DSTYK: variants seen among roughly 807,000 people sequenced by gnomAD.
DSTYK encodes the protein dual serine/threonine and tyrosine protein kinase, also known as RIP-homologous kinase.
In DSTYK, 34 loss-of-function variants were observed where a neutral mutation model predicts 98.7. That is an observed-to-expected ratio of 0.34 (90% confidence interval 0.26 to 0.46). DSTYK has a LOEUF of 0.46. DSTYK is among the 20% of genes least tolerant of loss of function. The pLI is 1.00. For missense variants in DSTYK, 962 were observed against 1,181.7 expected, an observed-to-expected ratio of 0.81 and a Z score of 2.73; for synonymous variants, 462 against 457.3, an observed-to-expected ratio of 1.01 and a Z score of -0.13.
At chr1:205,156,566 G>C (rs1306908907) in intron 10 of DSTYK, among the ~76,000 whole-genome samples, 2 of 152,174 alleles carry the variant, frequency 1.3e-5, no homozygotes, top group East Asian at 1.9e-4. Context: ...TTTGGAATGG[G>C]TGTATTTACC....
rs765904581 is a variant in DSTYK at position 205,162,919 on chromosome 1, C to A, written c.1641+4G>T. On this transcript the variant is annotated splice_donor_region_variant and intron_variant, in intron 5 of 12. Coordinates refer to ENST00000367162, the MANE Select transcript of DSTYK (RefSeq NM_015375.3). ...GAAATCTTTCTCTAAGTAATAATCC[C>A]TACCTGTTTGATTTGCTCCCATAGC... is the stretch of plus-strand genomic sequence containing the variant. 6 of 1,609,768 alleles carry A rather than the reference C, an allele frequency of 3.7e-6. No homozygotes were observed. Among genetic ancestry groups the A allele is most frequent in the Middle Eastern group, 1.7e-4 (1 of 6,056 alleles).
At chr1:205,161,056 G>A (rs1344366233) in intron 7 of DSTYK, among the ~76,000 whole-genome samples, 1 of 152,146 alleles carries the variant, frequency 6.6e-6, no homozygotes, top group Non-Finnish European at 1.5e-5. Context: ...TTACAGGTGT[G>A]AGCCACCACA....
chr1:205,169,077 T>C lies in DSTYK; in HGVS notation c.1324+86A>G. 1 of 1,198,320 alleles carries C rather than the reference T, an allele frequency of 8.3e-7. No homozygotes were observed. The highest frequency in any genetic ancestry group is 1.2e-6 in the Non-Finnish European group (1 of 843,730). 74.2% of individuals were successfully genotyped at this position (1,198,320 alleles called of 1,614,324 possible). ...AGTTACCCTGAGATTCCTTTAACCTTAGGAATTAACGTTCTTAATTTCCGG... is the reference window on the plus strand; with the variant it reads ...AGTTACCCTGAGATTCCTTTAACCTCAGGAATTAACGTTCTTAATTTCCGG... On this transcript the variant is annotated intron_variant, in intron 3 of 12. Transcript: ENST00000367162. The surrounding 1 kb of genome is among the most constrained non-coding windows in gnomAD (Gnocchi z 4.0).
At chr1:205,165,335 C>T (rs1252753143) in intron 3 of DSTYK, among the ~76,000 whole-genome samples, 1 of 152,130 alleles carries the variant, frequency 6.6e-6, no homozygotes, top group Non-Finnish European at 1.5e-5. Flanking sequence ...AGGTGATCCG[C>T]TCACCTTGGC....
intron 1 of DSTYK, among the ~76,000 whole-genome samples, chr1:205,194,130 A>T (rs1039512955): frequency 1.3e-5 from 2 of 152,214 alleles, no homozygotes; most frequent in African/African-American, 4.8e-5. Flanking sequence ...ATTCTTCATC[A>T]AACCTAAGCA....
At chr1:205,153,241 TTAA>T (rs1376308877) in intron 10 of DSTYK, among the ~76,000 whole-genome samples, 27 of 152,186 alleles carry the variant, frequency 1.8e-4, no homozygotes, top group Non-Finnish European at 3.5e-4. Flanking sequence ...CAGAAACAAC[TTAA>T]TGATATGCCA....
intron 1 of DSTYK, among the ~76,000 whole-genome samples, chr1:205,204,455 TACAC>T (rs56294352): frequency 0.015 from 2,235 of 148,742 alleles, 28 homozygotes; most frequent in Non-Finnish European, 0.027. Context: ...ATGCTCACCA[TACAC>T]ACACACACAC....
Position 205,211,422 on chromosome 1 carries a change from C to T in DSTYK, c.114G>A (p.Leu38=). The change falls in exon 1 of 13, where the codon CTG becomes CTA. Residue 38 remains leucine (L), a synonymous_variant. Coordinates refer to ENST00000367162, the MANE Select transcript of DSTYK (RefSeq NM_015375.3). ...CGCGCAGGTTCTGTCGCAGCCGTCC[C>T]AGGTAGCGGCGGTAGCGGCCGAAGC... ...CRGFGRYRRY[L]GRLRQNLRET... is the part of the protein sequence containing the mutation. The T allele has an allele frequency of 6.2e-7, 1 of 1,609,098 alleles. No individual in the cohort carries two copies. The highest frequency in any genetic ancestry group is 8.5e-7 in the Non-Finnish European group (1 of 1,178,970).
chr1:205,173,625 T>C (rs1441711885), intron 2 of DSTYK, among the ~76,000 whole-genome samples: 3 of 152,186 alleles, frequency 2.0e-5, no homozygotes, highest in African/African-American at 7.2e-5. Context: ...CTTAAAATTC[T>C]AGAATAAATT....
chr1:205,174,058 C>G (rs1432515491), intron 2 of DSTYK, among the ~76,000 whole-genome samples: 3 of 151,866 alleles, frequency 2.0e-5, no homozygotes, highest in African/African-American at 7.3e-5. Context: ...TTTATTTGCT[C>G]ATAGGTGTAA....
chr1:205,151,374 C>A (rs1202532131), intron 10 of DSTYK, among the ~76,000 whole-genome samples: 1 of 152,148 alleles, frequency 6.6e-6, no homozygotes, highest in Non-Finnish European at 1.5e-5. Context: ...ACTTTATAAA[C>A]TTTTTAATTT....
At chr1:205,199,820 C>T (rs797004940) in intron 1 of DSTYK, among the ~76,000 whole-genome samples, 1 of 152,102 alleles carries the variant, frequency 6.6e-6, no homozygotes, top group African/African-American at 2.4e-5. Flanking sequence ...GTTTTACAAC[C>T]ATAACCAAAA....
At chr1:205,167,289 G>A (rs570520390) in intron 3 of DSTYK, among the ~76,000 whole-genome samples, 2 of 152,108 alleles carry the variant, frequency 1.3e-5, no homozygotes, top group African/African-American at 4.8e-5. Context: ...AGTCCCAGGT[G>A]TGCAGGGGGC....
At chr1:205,184,193 G>A (rs1055659010) in intron 2 of DSTYK, among the ~76,000 whole-genome samples, 7 of 151,914 alleles carry the variant, frequency 4.6e-5, no homozygotes, top group South Asian at 2.1e-4. Context: ...CGCGCTTGGG[G>A]GGATGGCTCA....
At chr1:205,211,123 C>T in intron 1 of DSTYK, 148 bp downstream of exon 1, 4 of 1,213,506 alleles carry the variant, frequency 3.3e-6, no homozygotes, top group Non-Finnish European at 4.4e-6. Flanking sequence ...CAGATCCGGC[C>T]GGCCCATGCC....
chr1:205,200,108 C>T (rs1286401636), intron 1 of DSTYK, among the ~76,000 whole-genome samples: 1 of 152,062 alleles, frequency 6.6e-6, no homozygotes, highest in African/African-American at 2.4e-5. Flanking sequence ...GCAATCTCGG[C>T]TGGTTGCAAA....
Position 205,150,552 on chromosome 1 carries a change from CT to C in DSTYK, c.2467+127del. 1.4e-6 allele frequency: 1 copy of C among 705,528 alleles called. No homozygotes were observed. Among genetic ancestry groups the C allele is most frequent in the Non-Finnish European group, 2.4e-6 (1 of 412,222 alleles). The allele number at this position is 705,528 out of a possible 1,614,324, so 43.7% of individuals were successfully genotyped here. On this transcript the variant is annotated intron_variant, in intron 11 of 12. Transcript: ENST00000367162. This position sits in a 1 kb window ranked among gnomAD's most constrained non-coding sequence, Gnocchi z 4.1. ...GCTACTTGCCTTAGGTAGGTCTCCC[CT>C]GATCTGGTTTCTCCCTTGCCTGTGC...
At chr1:205,202,135 G>GAA in intron 1 of DSTYK, 2 of 511,978 alleles carry the variant, frequency 3.9e-6, no homozygotes, top group South Asian at 1.5e-5. Context: ...GAAGGGAAGG[G>GAA]GAAGGGGAAG....
rs752480925 is a variant in DSTYK at position 205,169,120 on chromosome 1, A to G, written c.1324+43T>C. 5.8e-5 allele frequency: 86 copies of G among 1,484,250 alleles called. No homozygotes were observed. The highest frequency in any genetic ancestry group is 4.0e-4 in the South Asian group (30 of 75,298). 91.9% of individuals were successfully genotyped at this position (1,484,250 alleles called of 1,614,324 possible). A position where few individuals can be genotyped will look rare whatever the true frequency, so the allele number is the denominator to read the frequency against. On this transcript the variant is annotated intron_variant, in intron 3 of 12. Transcript: ENST00000367162. This position sits in a 1 kb window ranked among gnomAD's most constrained non-coding sequence, Gnocchi z 4.0. ...ATTTCCGGCTAGAAAATGGTTAGAG[A>G]CTCCTCCCGTGCCAGCACCCCAACA...
Sources: gnomAD v4.1 joint callset for allele counts (sites outside exome capture counted in the v4.1 genomes callset) on GRCh38, gnomAD v4.1.1 for gene constraint, Gnocchi (gnomAD v3.1) non-coding constraint, MANE v1.5 for transcripts, NCBI Gene and HGNC (gene_info 2026-07-23, HGNC 2026-07-21) for gene names.